FLT3LG: variants seen among roughly 807,000 people sequenced by gnomAD.
The protein encoded by FLT3LG is fms related receptor tyrosine kinase 3 ligand.
A neutral mutation model predicts 30.9 loss-of-function variants in FLT3LG; 8 were observed. That is an observed-to-expected ratio of 0.26 (90% CI 0.15 to 0.47). The LOEUF (loss-of-function observed/expected upper bound fraction) is 0.47. Among genes scored for constraint, FLT3LG ranks in the 20% least tolerant of loss-of-function variants. The probability of loss-of-function intolerance (pLI) is 0.99; values close to 1 mark genes in which losing one functional copy is unlikely to be tolerated. For synonymous variants in FLT3LG, 123 were observed against 135.9 expected (o/e 0.91, Z 0.66); for missense variants, 278 against 306.2 (o/e 0.91, Z 0.69).
intron 5 of FLT3LG, 65 bp from the exon 6 acceptor site, chr19:49,478,844 C>T: frequency 7.1e-7 from 1 of 1,414,076 alleles, no homozygotes; most frequent in Non-Finnish European, 9.3e-7. Context: ...AGGGAAGGGC[C>T]TTTGGCCTGC....
At chr19:49,474,554 AGGGGCT>A in intron 1 of FLT3LG, 43 bp from the exon 2 acceptor site, 2 of 1,192,884 alleles carry the variant, frequency 1.7e-6, no homozygotes, top group Non-Finnish European at 2.2e-6. Flanking sequence ...CGGGCAGGGC[AGGGGCT>A]GGGGCATGAG....
chr19:49,477,687 A>G (rs1347065430), intron 5 of FLT3LG, among the ~76,000 whole-genome samples: 3 of 151,888 alleles, frequency 2.0e-5, no homozygotes, highest in Non-Finnish European at 2.9e-5. Flanking sequence ...GGTTGCAGTG[A>G]GCCGAGATCA....
rs17272847 is a variant in FLT3LG at position 49,476,141 on chromosome 19, G to T, written c.145-4G>T. On this transcript the variant is annotated splice_polypyrimidine_tract_variant and splice_region_variant and intron_variant, in intron 3 of 8. Coordinates refer to ENST00000597551, the MANE Select transcript of FLT3LG (RefSeq NM_001459.4). The surrounding 1 kb of genome is among the most constrained non-coding windows in gnomAD (Gnocchi z 5.3). Reference sequence around the variant, plus strand: ...GCCAGGCCTGATCCTGTTTTCTCCCGCAGTCTGACTACCTGCTTCAAGATT... The same window carrying T: ...GCCAGGCCTGATCCTGTTTTCTCCCTCAGTCTGACTACCTGCTTCAAGATT... 1.9e-6 allele frequency: 3 copies of T among 1,613,550 alleles called. No individual in the cohort carries two copies. Among genetic ancestry groups the T allele is most frequent in the Non-Finnish European group, 8.5e-7 (1 of 1,179,890 alleles).
intron 5 of FLT3LG, among the ~76,000 whole-genome samples, chr19:49,477,837 G>C (rs1410175149): frequency 6.6e-6 from 1 of 151,856 alleles, no homozygotes; most frequent in African/African-American, 2.4e-5. Context: ...CACGAGGTCA[G>C]GAGTTTGAGA....
intron 1 of FLT3LG, 55 bp from the exon 2 acceptor site, chr19:49,474,548 C>A: frequency 8.0e-7 from 1 of 1,244,730 alleles, no homozygotes; most frequent in Non-Finnish European, 1.1e-6. Context: ...AAGGGGCGGG[C>A]AGGGCAGGGG....
chr19:49,483,848 T>C (rs1341071688), intron 8 of FLT3LG, among the ~76,000 whole-genome samples: 1 of 110,270 alleles, frequency 9.1e-6, no homozygotes, highest in Non-Finnish European at 1.7e-5. Context: ...GCCTGGGCAA[T>C]AGAGGGAGAC....
chr19:49,474,528 C>A, intron 1 of FLT3LG, 75 bp from the exon 2 acceptor site: 2 of 724,612 alleles, frequency 2.8e-6, no homozygotes, highest in Non-Finnish European at 3.8e-6. Context: ...GCGGGAGGGG[C>A]GGGGAGGCAA....
rs2079397814 is a variant in FLT3LG at position 49,476,452 on chromosome 19, G to C, written c.228G>C (p.Leu76=). Residue 76 remains leucine, a synonymous_variant, in exon 5 of 9, where the codon CTG becomes CTC. Transcript: ENST00000597551. This position sits in a 1 kb window ranked among gnomAD's most constrained non-coding sequence, Gnocchi z 5.3. ...DEELCGGLWR[L]VLAQRWMERL... ...AGCTCTGCGGGGGCCTCTGGCGGCT[G>C]GTCCTGGCACAGCGCTGGATGGAGC... The C allele has an allele frequency of 6.2e-7, 1 of 1,613,766 alleles. No individual in the cohort carries two copies. Among genetic ancestry groups the C allele is most frequent in the South Asian group, 1.1e-5 (1 of 91,086 alleles).
In FLT3LG at chr19:49,476,694, C is replaced by T; in HGVS notation, c.342+128C>T. The T allele has an allele frequency of 8.0e-7, 1 of 1,244,878 alleles. No homozygotes were observed. Among genetic ancestry groups the T allele is most frequent in the Non-Finnish European group, 1.1e-6 (1 of 885,104 alleles). 77.1% of individuals were successfully genotyped at this position (1,244,878 alleles called of 1,614,324 possible). ...CCCAACGAAGGTAGAGCGAGAAGCGCCACCCTGCAGAGCCCTGTTCCTACA... is the reference window on the plus strand; with the variant it reads ...CCCAACGAAGGTAGAGCGAGAAGCGTCACCCTGCAGAGCCCTGTTCCTACA... On this transcript the variant is annotated intron_variant, in intron 5 of 8. Transcript: ENST00000597551. The surrounding 1 kb of genome is among the most constrained non-coding windows in gnomAD (Gnocchi z 5.3).
At position 49,474,298 on chromosome 19, in the gene FLT3LG, G is replaced by A. The variant is rs2079298702; in HGVS notation, c.-38+17G>A. On this transcript the variant is annotated intron_variant, in intron 1 of 8. Coordinates refer to ENST00000597551, the MANE Select transcript of FLT3LG (RefSeq NM_001459.4). ...GCAAGCCTGGTGCGTGAGGAGACTT[G>A]GACTCTAGGTCCCCAAGGGGCGGAG... The A allele has an allele frequency of 4.1e-6, 2 of 485,654 alleles. No individual in the cohort carries two copies. The highest frequency in any genetic ancestry group is 3.7e-5 in the Admixed American group (1 of 26,866). The allele number at this position is 485,654 out of a possible 1,614,324, so 30.1% of individuals were successfully genotyped here.
chr19:49,475,020 G>T (rs1456070405), intron 2 of FLT3LG, among the ~76,000 whole-genome samples: 1 of 120,736 alleles, frequency 8.3e-6, no homozygotes, highest in Non-Finnish European at 1.7e-5. Flanking sequence ...TGGACAGGAG[G>T]AGGGAGATGG....
intron 8 of FLT3LG, among the ~76,000 whole-genome samples, chr19:49,483,622 C>G (rs1252223432): frequency 1.3e-5 from 2 of 151,390 alleles, no homozygotes; most frequent in Admixed American, 6.6e-5. Context: ...ACTTAGGAGG[C>G]AAAGTAGGAG....
intron 5 of FLT3LG, among the ~76,000 whole-genome samples, chr19:49,478,666 A>G (rs2079484033): frequency 6.6e-6 from 1 of 151,316 alleles, no homozygotes; most frequent in African/African-American, 2.4e-5. Context: ...CCAACCACTG[A>G]GGAGGCTGAG....
At chr19:49,480,868 C>T in intron 8 of FLT3LG, 1 of 490,224 alleles carries the variant, frequency 2.0e-6, no homozygotes, top group South Asian at 2.7e-5. Context: ...CCAGTCTCTA[C>T]TAAAAATACA....
At position 49,480,490 on chromosome 19, in the gene FLT3LG, GAA is replaced by G. The variant is rs1568675473; in HGVS notation, c.660+15_660+16del. On this transcript the variant is annotated intron_variant, in intron 7 of 8. Coordinates refer to ENST00000597551, the MANE Select transcript of FLT3LG (RefSeq NM_001459.4). Reference sequence around the variant, plus strand: ...CCTGGGGAGCAGGTGAGCAGGCTGGGAAGAGGGGGTGAGGGGGCCGAGAGGGT... The same window carrying G: ...CCTGGGGAGCAGGTGAGCAGGCTGGGGAGGGGGTGAGGGGGCCGAGAGGGT... The G allele has an allele frequency of 6.3e-7, 1 of 1,593,818 alleles. No individual in the cohort carries two copies. Among genetic ancestry groups the G allele is most frequent in the Admixed American group, 1.7e-5 (1 of 57,298 alleles).
chr19:49,475,595 G>A, intron 2 of FLT3LG, 96 bp from the exon 3 acceptor site: 1 of 1,453,276 alleles, frequency 6.9e-7, no homozygotes, highest in Non-Finnish European at 9.1e-7. Flanking sequence ...CAGGGAAGGA[G>A]GAGCGGGGAA....
At chr19:49,475,825 C>T in intron 3 of FLT3LG, 24 bp downstream of exon 3, 1 of 1,605,472 alleles carries the variant, frequency 6.2e-7, no homozygotes, top group Non-Finnish European at 8.5e-7. Flanking sequence ...CCCCGGACCC[C>T]CTCATGTGAT....
chr19:49,483,801 T>C (rs1314545543), intron 8 of FLT3LG, among the ~76,000 whole-genome samples: 1 of 142,198 alleles, frequency 7.0e-6, no homozygotes, highest in Non-Finnish European at 1.5e-5. Context: ...AAGACCGGTA[T>C]CTATCCAACA....
chr19:49,474,643 A>G lies in FLT3LG; in HGVS notation c.4A>G (p.Thr2Ala), dbSNP rs780567056. 2.5e-6 allele frequency: 4 copies of G among 1,612,634 alleles called. No individual in the cohort carries two copies. The South Asian group carries it at 4.4e-5, about 18-fold the overall frequency. MTVLAPAWSPTT... is the reference protein window; with the variant it reads MAVLAPAWSPTT... ...GCATGAGGGGCCCCCGGCCGAAATG[A>G]CAGTGCTGGCGCCAGCCTGGAGCCC... Residue 2 changes from threonine to alanine, a missense_variant, in exon 2 of 9, where the codon ACA (threonine) becomes GCA (alanine). Coordinates refer to ENST00000597551, the MANE Select transcript of FLT3LG (RefSeq NM_001459.4).
Sources: allele counts gnomAD v4.1 joint callset (sites outside exome capture counted in the v4.1 genomes callset), GRCh38; gene constraint gnomAD v4.1.1; non-coding constraint Gnocchi (gnomAD v3.1); transcripts MANE v1.5; gene names NCBI Gene and HGNC (gene_info 2026-07-23, HGNC 2026-07-21).